The following PML variants were observed in gnomAD, a reference collection of about 807,000 sequenced individuals.
The protein encoded by PML is protein PML.
Under a neutral mutation model 65.2 loss-of-function variants are expected in PML, and 28 were observed. The ratio of observed to expected loss-of-function variants is 0.43; its 90% CI spans 0.32 to 0.59. The LOEUF (loss-of-function observed/expected upper bound fraction) is 0.59, where lower values mean the gene tolerates loss of function less well. Ranked by LOEUF, PML falls within the 20% of genes least tolerant of loss-of-function variation. The probability of loss-of-function intolerance (pLI) is 0.08; values close to 1 mark genes in which losing one functional copy is unlikely to be tolerated. For synonymous variants in PML, 500 were observed against 508.8 expected (o/e 0.98, Z 0.23); for missense variants, 1,021 against 1,203.4 (o/e 0.85, Z 2.24).
chr15:74,013,074 C>A (rs1329573933), intron 2 of PML, among the ~76,000 whole-genome samples: 2 of 152,066 alleles, frequency 1.3e-5, no homozygotes, highest in African/African-American at 4.8e-5. Flanking sequence ...ATTTTTTATT[C>A]TTGAAATTTA....
At chr15:74,036,862 G>C (rs544250072) in intron 7 of PML, 1 of 881,682 alleles carries the variant, frequency 1.1e-6, no homozygotes, top group African/African-American at 1.8e-5. Flanking sequence ...TGCCATCACC[G>C]AGCACTGTCG....
chr15:73,998,901 A>G (rs2069631628), intron 2 of PML, among the ~76,000 whole-genome samples: 1 of 152,196 alleles, frequency 6.6e-6, no homozygotes, highest in Non-Finnish European at 1.5e-5. Flanking sequence ...AGAGACAAGT[A>G]GTTAGTTTCT....
intron 2 of PML, among the ~76,000 whole-genome samples, chr15:74,003,028 A>G (rs534479373): frequency 6.6e-6 from 1 of 152,186 alleles, no homozygotes; most frequent in East Asian, 1.9e-4. Context: ...CGGGAGGTGG[A>G]GGTATTCCTC....
intron 7 of PML, among the ~76,000 whole-genome samples, chr15:74,039,429 G>A (rs2071648170): frequency 6.6e-6 from 1 of 152,220 alleles, no homozygotes; most frequent in Non-Finnish European, 1.5e-5. Flanking sequence ...AGCTGTAGCT[G>A]ATGCTTAAGT....
intron 2 of PML, among the ~76,000 whole-genome samples, chr15:74,007,021 C>T (rs1416056867): frequency 6.6e-6 from 1 of 152,226 alleles, no homozygotes; most frequent in Non-Finnish European, 1.5e-5. Flanking sequence ...TTGGAGGTCA[C>T]ACTTCAACAT....
intron 2 of PML, among the ~76,000 whole-genome samples, chr15:74,002,444 C>CTTTTTT (rs71137368): frequency 0.02 from 2,049 of 104,060 alleles, no homozygotes; most frequent in Non-Finnish European, 0.026. Context: ...TCTTTCTTTT[C>CTTTTTT]TTTTTTTTTT....
In PML at chr15:74,035,132, G is replaced by T; in HGVS notation, c.1710+602G>T. On this transcript the variant is annotated intron_variant, in intron 7 of 8. Transcript: ENST00000268058. This position sits in a 1 kb window ranked among gnomAD's most constrained non-coding sequence, Gnocchi z 4.1. ...AAGGTTGGACTGGGTGGCCCCTGAG[G>T]TCTCTTCCAGCCCTCAGTCTGAGGT... is the stretch of plus-strand genomic sequence containing the variant. The T allele has an allele frequency of 8.8e-7, 1 of 1,140,228 alleles. No homozygotes were observed. The allele number at this position is 1,140,228 out of a possible 1,614,324, so 70.6% of individuals were successfully genotyped here. A position where few individuals can be genotyped will look rare whatever the true frequency, so the allele number is the denominator to read the frequency against.
At position 74,044,220 on chromosome 15, in the gene PML, G is replaced by T; in HGVS notation, c.1862-1G>T. 6.2e-7 allele frequency: 1 copy of T among 1,613,722 alleles called. No individual in the cohort carries two copies. Among genetic ancestry groups the T allele is most frequent in the Non-Finnish European group, 8.5e-7 (1 of 1,180,016 alleles). The stretch of plus-strand genomic sequence containing the variant: ...TCACCCTGCCCTTCTCTCCTGCCCA[G>T]CCCAGAAGATTAGCCAGCTGGCTGC... On this transcript the variant is annotated splice_acceptor_variant, in intron 8 of 8. Coordinates refer to ENST00000268058, the MANE Select transcript of PML (RefSeq NM_033238.3). LOFTEE classifies it high-confidence loss of function.
intron 7 of PML, among the ~76,000 whole-genome samples, chr15:74,038,181 T>G (rs2071615428): frequency 6.6e-6 from 1 of 152,110 alleles, no homozygotes; most frequent in Admixed American, 6.6e-5. Context: ...CCACTGACCC[T>G]GGGTAGAGGC....
chr15:73,996,433 C>T (rs936420651), intron 1 of PML, among the ~76,000 whole-genome samples: 3 of 152,160 alleles, frequency 2.0e-5, no homozygotes, highest in African/African-American at 7.2e-5. Context: ...TCCTGAGCTA[C>T]GGAAAAGAGC....
At chr15:74,031,398 C>G in intron 4 of PML, 1 of 310,334 alleles carries the variant, frequency 3.2e-6, no homozygotes, top group East Asian at 8.1e-5. Flanking sequence ...CTCAGCCTCC[C>G]AAGTAGCTGG....
rs112627818 is a variant in PML at position 74,023,044 on chromosome 15, C to T, written c.819C>T (p.Ala273=). ...AAVGQLGRAR[A]ETEELIRERV... is the part of the protein sequence containing the mutation. Reference sequence around the variant, plus strand: ...TCGGCCAGCTGGGCCGCGCGCGTGCCGAGACCGAGGAGCTGATCCGCGAGC... The same window carrying T: ...TCGGCCAGCTGGGCCGCGCGCGTGCTGAGACCGAGGAGCTGATCCGCGAGC... Residue 273 remains alanine (A), a synonymous_variant, in exon 3 of 9, where the codon GCC becomes GCT. Transcript: ENST00000268058. The T allele has an allele frequency of 1.9e-6, 3 of 1,604,436 alleles. No individual in the cohort carries two copies. The highest frequency in any genetic ancestry group is 1.7e-5 in the Admixed American group (1 of 59,846).
Position 74,035,334 on chromosome 15 carries a change from C to A in PML, c.1710+804C>A. 6.2e-7 allele frequency: 1 copy of A among 1,612,502 alleles called. No homozygotes were observed. The highest frequency in any genetic ancestry group is 8.5e-7 in the Non-Finnish European group (1 of 1,179,934). On this transcript the variant is annotated intron_variant, in intron 7 of 8. Transcript: ENST00000268058. The surrounding 1 kb of genome is among the most constrained non-coding windows in gnomAD (Gnocchi z 4.1). Reference sequence around the variant, plus strand: ...ATACCACCCCCCAGCTTGGCCTCCCCACCAGCCCGCTGAGCAGGCTGCCAC... The same window carrying A: ...ATACCACCCCCCAGCTTGGCCTCCCAACCAGCCCGCTGAGCAGGCTGCCAC...
intron 1 of PML, among the ~76,000 whole-genome samples, chr15:73,997,341 G>A (rs8028557): frequency 0.58 from 88,414 of 152,128 alleles, 25,809 homozygotes; most frequent in East Asian, 0.64. Context: ...ATCATACAGT[G>A]TTTGACCTTT....
Position 74,023,073 on chromosome 15 carries a change from T to G in PML, c.848T>G (p.Val283Gly). The change falls in exon 3 of 9, where the codon GTG becomes GGG. Residue 283 changes from valine to glycine, a missense_variant. By Grantham distance (109) the Val-to-Gly change is moderately radical. Transcript: ENST00000268058. ...ACCGAGGAGCTGATCCGCGAGCGCGTGCGCCAGGTGGTAGCTCACGTGCGG... is the reference window on the plus strand; with the variant it reads ...ACCGAGGAGCTGATCCGCGAGCGCGGGCGCCAGGTGGTAGCTCACGTGCGG... ...AETEELIRER[V>G]RQVVAHVRAQ... The G allele has an allele frequency of 6.2e-7, 1 of 1,602,836 alleles. No homozygotes were observed. Among genetic ancestry groups the G allele is most frequent in the South Asian group, 1.1e-5 (1 of 90,972 alleles).
chr15:74,037,198 C>G lies in PML; in HGVS notation c.1710+2668C>G. On this transcript the variant is annotated intron_variant, in intron 7 of 8. Coordinates refer to ENST00000268058, the MANE Select transcript of PML (RefSeq NM_033238.3). The surrounding 1 kb of genome is among the most constrained non-coding windows in gnomAD (Gnocchi z 4.2). Reference sequence around the variant, plus strand: ...CCCGCCTGCCTTTCTTCACTGGGCCCTTGTCCCAGCCTCACCCTCAGCTGA... The same window carrying G: ...CCCGCCTGCCTTTCTTCACTGGGCCGTTGTCCCAGCCTCACCCTCAGCTGA... The G allele has an allele frequency of 1.0e-6, 1 of 985,446 alleles. No individual in the cohort carries two copies. Among genetic ancestry groups the G allele is most frequent in the Non-Finnish European group, 1.2e-6 (1 of 829,932 alleles). The allele number at this position is 985,446 out of a possible 1,614,324, so 61.0% of individuals were successfully genotyped here.
chr15:74,040,041 A>G (rs2071660840), intron 7 of PML, among the ~76,000 whole-genome samples: 1 of 152,190 alleles, frequency 6.6e-6, no homozygotes, highest in Non-Finnish European at 1.5e-5. Context: ...GATGTAGCTC[A>G]TGAGCCAGAT....
At chr15:74,010,560 G>T (rs2070287304) in intron 2 of PML, among the ~76,000 whole-genome samples, 1 of 150,102 alleles carries the variant, frequency 6.7e-6, no homozygotes, top group African/African-American at 2.4e-5. Flanking sequence ...TTTTCTCATT[G>T]ATTGCTAACT....
chr15:73,995,061 G>A, intron 1 of PML, 120 bp downstream of exon 1: 1 of 950,810 alleles, frequency 1.1e-6, no homozygotes, highest in Middle Eastern at 2.6e-4. Context: ...GACACAAAGC[G>A]GGAAGTCCAG....
Sources: allele counts gnomAD v4.1 joint callset (sites outside exome capture counted in the v4.1 genomes callset), GRCh38; gene constraint gnomAD v4.1.1; non-coding constraint Gnocchi (gnomAD v3.1); transcripts MANE v1.5; gene names NCBI Gene and HGNC (gene_info 2026-07-23, HGNC 2026-07-21).